BARX2: variants seen among roughly 807,000 people sequenced by gnomAD.
BARX2 encodes the protein BARX homeobox 2, also known as homeobox protein BarH-like 2.
In BARX2, 11 loss-of-function variants were observed where a neutral mutation model predicts 25.5. The observed-to-expected ratio is 0.43, with a 90% CI of 0.27 to 0.71. The LOEUF is 0.71. BARX2 is among the 30% of genes least tolerant of loss of function. The pLI, the probability that BARX2 is intolerant of heterozygous loss-of-function variation, is 0.19. For synonymous variants in BARX2, 137 were observed against 149.5 expected (o/e 0.92, Z 0.61); for missense variants, 360 against 359.9 (o/e 1.00, Z 0.00).
chr11:129,387,115 G>A (rs1202596058), intron 1 of BARX2, among the ~76,000 whole-genome samples: 1 of 152,164 alleles, frequency 6.6e-6, no homozygotes, highest in Non-Finnish European at 1.5e-5. Flanking sequence ...GCAGATAGTC[G>A]CACACTCTGG....
intron 1 of BARX2, among the ~76,000 whole-genome samples, chr11:129,422,368 A>G (rs985793140): frequency 4.0e-5 from 6 of 148,798 alleles, no homozygotes; most frequent in African/African-American, 1.5e-4. Context: ...GTGCAATCGT[A>G]GCTCACTGCC....
intron 1 of BARX2, among the ~76,000 whole-genome samples, chr11:129,434,421 T>TAAAAAAAAAAAAAAAAAA (rs56344103): frequency 1.4e-4 from 11 of 76,394 alleles, no homozygotes; most frequent in East Asian, 5.1e-4. Context: ...AAAAAGTAAG[T>TAAAAAAAAAAAAAAAAAA]AAAAAAAAAA....
At chr11:129,446,879 G>A (rs918251632) in intron 3 of BARX2, among the ~76,000 whole-genome samples, 2 of 152,154 alleles carry the variant, frequency 1.3e-5, no homozygotes, top group African/African-American at 4.8e-5. Flanking sequence ...ACAGTCATCA[G>A]TTATGTGGCC....
intron 1 of BARX2, among the ~76,000 whole-genome samples, chr11:129,421,942 G>C (rs1310752134): frequency 1.3e-5 from 2 of 151,998 alleles, no homozygotes. Context: ...ATTCAGTTTG[G>C]ATCACATTGG....
intron 1 of BARX2, among the ~76,000 whole-genome samples, chr11:129,394,282 C>T (rs540600552): frequency 6.6e-6 from 1 of 152,232 alleles, no homozygotes; most frequent in South Asian, 2.1e-4. Context: ...TACTGTTTAT[C>T]TGTTTTGTTG....
At chr11:129,431,581 C>A (rs969679237) in intron 1 of BARX2, among the ~76,000 whole-genome samples, 1 of 152,156 alleles carries the variant, frequency 6.6e-6, no homozygotes, top group Admixed American at 6.5e-5. Flanking sequence ...ATATGTAGAA[C>A]CTCTTTGGTA....
At chr11:129,429,020 T>TC in intron 1 of BARX2, among the ~76,000 whole-genome samples, 1 of 149,644 alleles carries the variant, frequency 6.7e-6, no homozygotes, top group Admixed American at 6.7e-5. Flanking sequence ...TTTTTTTTTT[T>TC]TTCATGAAGA....
intron 1 of BARX2, among the ~76,000 whole-genome samples, chr11:129,381,900 C>T (rs907456230): frequency 1.3e-5 from 2 of 152,174 alleles, no homozygotes; most frequent in African/African-American, 4.8e-5. Context: ...AAGGGCTGTA[C>T]AGGCAAAACA....
Position 129,442,834 on chromosome 11 carries a change from G to A in BARX2, c.489-1G>A. On this transcript the variant is annotated splice_acceptor_variant, in intron 2 of 3. Transcript: ENST00000281437. LOFTEE classifies it high-confidence loss of function. ...TTTCCTTTGTATCTTGTGCCTTCTA[G>A]GTTGGACTTGGCTCAGTCTCTGGGA... 6.2e-7 allele frequency: 1 copy of A among 1,613,070 alleles called. No homozygotes were observed. The highest frequency in any genetic ancestry group is 8.5e-7 in the Non-Finnish European group (1 of 1,179,064).
rs139212155 is a variant in BARX2 at position 129,439,663 on chromosome 11, T to C, written c.488+2612T>C. Among the ~76,000 whole-genome samples the C allele has an allele frequency of 1.7e-3, 254 of 152,328 alleles. 1 individual carries two copies. Among genetic ancestry groups the C allele is most frequent in the African/African-American group, 5.7e-3 (235 of 41,564 alleles). On this transcript the variant is annotated intron_variant, in intron 2 of 3. Transcript: ENST00000281437. Reference sequence around the variant, plus strand: ...ACTTAGGTGGGGAAAGGTTGAGTTCTGTTCTAGACCTGTGCATTTGGAGTG... The same window carrying C: ...ACTTAGGTGGGGAAAGGTTGAGTTCCGTTCTAGACCTGTGCATTTGGAGTG...
chr11:129,422,706 T>TC (rs2135404364), intron 1 of BARX2, among the ~76,000 whole-genome samples: 1 of 29,574 alleles, frequency 3.4e-5, no homozygotes, highest in African/African-American at 1.7e-4. Context: ...TTTTATTCTC[T>TC]TTTTTTTTTT....
At chr11:129,442,487 C>T (rs987211012) in intron 2 of BARX2, among the ~76,000 whole-genome samples, 4 of 152,068 alleles carry the variant, frequency 2.6e-5, no homozygotes, top group Non-Finnish European at 5.9e-5. Context: ...CCAGTCTGGA[C>T]GATGGGCCAG....
intron 1 of BARX2, among the ~76,000 whole-genome samples, chr11:129,412,027 C>A (rs565435352): frequency 6.6e-6 from 1 of 152,272 alleles, no homozygotes; most frequent in South Asian, 2.1e-4. Flanking sequence ...AATCCCAGCA[C>A]TTTGGGAGGC....
chr11:129,412,602 G>T (rs1465145993), intron 1 of BARX2, among the ~76,000 whole-genome samples: 1 of 152,212 alleles, frequency 6.6e-6, no homozygotes, highest in Admixed American at 6.5e-5. Context: ...AAATTAAGGG[G>T]CAATTTATGC....
At chr11:129,442,104 T>C (rs1862268032) in intron 2 of BARX2, among the ~76,000 whole-genome samples, 1 of 152,180 alleles carries the variant, frequency 6.6e-6, no homozygotes, top group African/African-American at 2.4e-5. Context: ...CTTTATAATA[T>C]TTATTTATTT....
chr11:129,434,420 GT>G (rs1565520639), intron 1 of BARX2, among the ~76,000 whole-genome samples: 10 of 14,524 alleles, frequency 6.9e-4, no homozygotes, highest in South Asian at 2.9e-3. Flanking sequence ...AAAAAAGTAA[GT>G]AAAAAAAAAA....
intron 1 of BARX2, among the ~76,000 whole-genome samples, chr11:129,412,061 A>G (rs1413701440): frequency 6.6e-6 from 1 of 152,146 alleles, no homozygotes; most frequent in African/African-American, 2.4e-5. Flanking sequence ...TCACAAGGTC[A>G]GGAGATTGAC....
rs181083815 is a variant in BARX2, at chr11:129,411,540, G to A, written c.188-25211G>A. Among the ~76,000 whole-genome samples, 401 of 152,308 alleles carry A rather than the reference G, an allele frequency of 2.6e-3. 4 individuals carry two copies. Among genetic ancestry groups the A allele is most frequent in the African/African-American group, 9.4e-3 (392 of 41,560 alleles). The stretch of plus-strand genomic sequence containing the variant: ...CTCATGGGCTGGATGATATCAGGAA[G>A]AAAATAGTAAGAATCGGGATGAAGC... On this transcript the variant is annotated intron_variant, in intron 1 of 3. Coordinates refer to ENST00000281437, the MANE Select transcript of BARX2 (RefSeq NM_003658.5).
chr11:129,451,435 G>A lies in BARX2; in HGVS notation c.*33G>A, dbSNP rs1312853701. The A allele has an allele frequency of 6.3e-7, 1 of 1,595,606 alleles. No homozygotes were observed. The highest frequency in any genetic ancestry group is 8.6e-7 in the Non-Finnish European group (1 of 1,167,716). ...CCCTTTTGAGGGAAGAGGGAGACTG[G>A]GGAGAAGGGAAAAGAGAGAAGGCAG... On this transcript the variant is annotated 3_prime_UTR_variant, in exon 4 of 4. Transcript: ENST00000281437.
Sources: gnomAD v4.1 joint callset for allele counts (sites outside exome capture counted in the v4.1 genomes callset) on GRCh38, gnomAD v4.1.1 for gene constraint, MANE v1.5 for transcripts, NCBI Gene and HGNC (gene_info 2026-07-23, HGNC 2026-07-21) for gene names.